CHCHD6: variants seen among roughly 807,000 people sequenced by gnomAD.
The protein encoded by CHCHD6 is coiled-coil-helix-coiled-coil-helix domain containing 6, also known as MICOS complex subunit MIC25.
Under a neutral mutation model 32.3 loss-of-function variants are expected in CHCHD6, and 28 were observed. That is an observed-to-expected ratio of 0.87 (90% confidence interval 0.64 to 1.19). CHCHD6 has a LOEUF of 1.19. CHCHD6 is among the 50% of genes most tolerant of loss of function. The pLI is 0.00. For synonymous variants in CHCHD6, 122 were observed against 117.5 expected (o/e 1.04, Z -0.25); for missense variants, 333 against 307.0 (o/e 1.08, Z -0.63).
chr3:126,780,690 C>T (rs1937893440), intron 4 of CHCHD6, among the ~76,000 whole-genome samples: 1 of 152,094 alleles, frequency 6.6e-6, no homozygotes. Context: ...CTGTTTCAGG[C>T]CTTTGGATTA....
At chr3:126,884,118 G>T (rs2077648294) in intron 5 of CHCHD6, among the ~76,000 whole-genome samples, 1 of 152,200 alleles carries the variant, frequency 6.6e-6, no homozygotes, top group Non-Finnish European at 1.5e-5. Context: ...TGCAGGCCTT[G>T]ACTGGGACAC....
chr3:126,885,938 G>C (rs889166044), intron 5 of CHCHD6, among the ~76,000 whole-genome samples: 1 of 152,172 alleles, frequency 6.6e-6, no homozygotes, highest in Non-Finnish European at 1.5e-5. Flanking sequence ...GCTGGTGCTG[G>C]GGGAACCAAG....
At chr3:126,910,668 A>G (rs1202466331) in intron 5 of CHCHD6, among the ~76,000 whole-genome samples, 3 of 152,244 alleles carry the variant, frequency 2.0e-5, no homozygotes, top group Admixed American at 2.0e-4. Context: ...TTATAATAGT[A>G]GAAGACTAGA....
intron 6 of CHCHD6, among the ~76,000 whole-genome samples, chr3:126,940,508 A>G (rs373476766): frequency 6.6e-6 from 1 of 152,224 alleles, no homozygotes; most frequent in Non-Finnish European, 1.5e-5. Flanking sequence ...ACTGTGACAG[A>G]CAGCCTTATT....
chr3:126,816,000 A>G (rs1939880036), intron 4 of CHCHD6, among the ~76,000 whole-genome samples: 1 of 152,094 alleles, frequency 6.6e-6, no homozygotes, highest in African/African-American at 2.4e-5. Flanking sequence ...TGCCCCAGGA[A>G]AGGTGTCTAT....
At chr3:126,713,443 G>C (rs142340661) in intron 1 of CHCHD6, among the ~76,000 whole-genome samples, 1 of 152,158 alleles carries the variant, frequency 6.6e-6, no homozygotes, top group African/African-American at 2.4e-5. Flanking sequence ...ATGTGTGGGC[G>C]CCACTTTCTG....
chr3:126,777,757 A>G (rs1166435498), intron 4 of CHCHD6, among the ~76,000 whole-genome samples: 1 of 152,210 alleles, frequency 6.6e-6, no homozygotes, highest in African/African-American at 2.4e-5. Context: ...AACTGGTTTT[A>G]TTTTAACAGC....
chr3:126,880,725 T>C (rs2077597185), intron 5 of CHCHD6, among the ~76,000 whole-genome samples: 1 of 152,200 alleles, frequency 6.6e-6, no homozygotes, highest in African/African-American at 2.4e-5. Context: ...AAGAGGCATG[T>C]AAAAAGTATA....
Position 126,718,759 on chromosome 3 carries a change from G to A in CHCHD6, c.88-8319G>A, listed in dbSNP as rs931725959. Among the ~76,000 whole-genome samples the A allele has an allele frequency of 7.2e-5, 11 of 152,246 alleles. No individual in the cohort carries two copies. The East Asian group carries it at 1.2e-3, about 16-fold the overall frequency. Reference sequence around the variant, plus strand: ...CTGATGGCACTGTGACCAGCGGGCCGTGGCATCAAGCACGCAGCCCCGTCT... The same window carrying A: ...CTGATGGCACTGTGACCAGCGGGCCATGGCATCAAGCACGCAGCCCCGTCT... On this transcript the variant is annotated intron_variant, in intron 1 of 7. Transcript: ENST00000290913.
chr3:126,708,650 GA>G (rs552128932), intron 1 of CHCHD6, among the ~76,000 whole-genome samples: 11,142 of 90,842 alleles, frequency 0.12, 608 homozygotes, highest in African/African-American at 0.25. Context: ...CCCATCTCTT[GA>G]AAAAAAAAAA....
intron 4 of CHCHD6, among the ~76,000 whole-genome samples, chr3:126,736,744 T>C (rs893286396): frequency 2.6e-5 from 4 of 152,198 alleles, no homozygotes; most frequent in Non-Finnish European, 5.9e-5. Flanking sequence ...GGTTCTGGTC[T>C]GAGTGAAGGC....
At chr3:126,873,531 T>A (rs745514639) in intron 5 of CHCHD6, among the ~76,000 whole-genome samples, 3 of 152,230 alleles carry the variant, frequency 2.0e-5, no homozygotes, top group Admixed American at 1.3e-4. Flanking sequence ...AGATGCCAGT[T>A]CAGCTAAGGT....
intron 4 of CHCHD6, among the ~76,000 whole-genome samples, chr3:126,829,881 T>C (rs1472309545): frequency 1.3e-5 from 2 of 152,030 alleles, no homozygotes; most frequent in African/African-American, 4.8e-5. Context: ...GTGGATCACC[T>C]GAGGTCAGGA....
chr3:126,797,937 G>A (rs76521316), intron 4 of CHCHD6, among the ~76,000 whole-genome samples: 4,596 of 152,332 alleles, frequency 0.03, 97 homozygotes, highest in Non-Finnish European at 0.039. Context: ...TCCTTGTCGA[G>A]GGAGGGTTTG....
intron 2 of CHCHD6, among the ~76,000 whole-genome samples, chr3:126,729,396 G>A (rs1935679611): frequency 6.6e-6 from 1 of 152,196 alleles, no homozygotes; most frequent in African/African-American, 2.4e-5. Flanking sequence ...GGAGCGGGCA[G>A]GGGCACACAG....
At chr3:126,722,853 T>G (rs962327518) in intron 1 of CHCHD6, among the ~76,000 whole-genome samples, 2 of 152,200 alleles carry the variant, frequency 1.3e-5, no homozygotes, top group Admixed American at 1.3e-4. Context: ...ATGCTTTTGG[T>G]GTCATCTCTA....
intron 5 of CHCHD6, among the ~76,000 whole-genome samples, 194 bp from the exon 6 acceptor site, chr3:126,914,486 C>T (rs926647697): frequency 6.6e-6 from 1 of 152,212 alleles, no homozygotes; most frequent in Non-Finnish European, 1.5e-5. Flanking sequence ...GCACTTGCAG[C>T]CATTGCTATT....
intron 4 of CHCHD6, among the ~76,000 whole-genome samples, chr3:126,754,947 G>T (rs1331322561): frequency 6.6e-6 from 1 of 152,192 alleles, no homozygotes; most frequent in Non-Finnish European, 1.5e-5. Context: ...AGTCTCCTGG[G>T]TCTGGCATCT....
intron 5 of CHCHD6, among the ~76,000 whole-genome samples, chr3:126,863,855 A>C (rs111162322): frequency 0.18 from 4,600 of 26,102 alleles, no homozygotes; most frequent in Middle Eastern, 0.24. Flanking sequence ...TCCACCATCA[A>C]CACCTCCTCC....
Sources: gnomAD v4.1 joint callset for allele counts (sites outside exome capture counted in the v4.1 genomes callset) on GRCh38, gnomAD v4.1.1 for gene constraint, MANE v1.5 for transcripts, NCBI Gene and HGNC (gene_info 2026-07-23, HGNC 2026-07-21) for gene names.